The following NDRG2 variants were observed in gnomAD, a reference collection of about 807,000 sequenced individuals.
NDRG2 encodes NDRG family member 2.
NDRG2 carries 34 observed loss-of-function variants against 58.2 expected under a neutral mutation model. The ratio of observed to expected loss-of-function variants is 0.58; its 90% CI spans 0.44 to 0.78. The LOEUF (loss-of-function observed/expected upper bound fraction) is 0.78. NDRG2 is among the 30% of genes least tolerant of loss of function. NDRG2 has a pLI of 0.00. For missense variants in NDRG2, 434 were observed against 471.2 expected (o/e 0.92, Z 0.73); for synonymous variants, 187 against 175.9 (o/e 1.06, Z -0.50).
chr14:21,048,875 A>G (rs1321738020), intron 1 of NDRG2, among the ~76,000 whole-genome samples: 1 of 152,204 alleles, frequency 6.6e-6, no homozygotes, highest in Non-Finnish European at 1.5e-5. Context: ...AAGAGTAGAT[A>G]AGGGAAGGTT....
At position 21,017,662 on chromosome 14, in the gene NDRG2, G is replaced by A; in HGVS notation, c.1050C>T (p.Ser350=). ...DGNRSRSRTL[S]QSSESGTLSS... ...AAAGAGTTCCAGACTCGCTGCTCTG[G>A]GACAGGGTGCGAGAGCGGGACCGGT... Residue 350 remains serine, a synonymous_variant, in exon 16 of 16, where the codon TCC becomes TCT. Transcript: ENST00000556147. The A allele has an allele frequency of 1.9e-6, 3 of 1,612,936 alleles. No individual in the cohort carries two copies. Among genetic ancestry groups the A allele is most frequent in the East Asian group, 2.2e-5 (1 of 44,834 alleles).
At chr14:21,052,287 T>C (rs1456453316) in intron 1 of NDRG2, among the ~76,000 whole-genome samples, 1 of 152,148 alleles carries the variant, frequency 6.6e-6, no homozygotes, top group Non-Finnish European at 1.5e-5. Context: ...TACCGTCTAG[T>C]TGGGAAGACT....
rs781544238 is a variant in NDRG2, at chr14:21,023,271, C to G, written c.45G>C (p.Leu15=). ...CCGCCTCAGGCGTCTGTCCTGGCAA[C>G]AGTGGCTTCTCCTCTGTGATCTGCA... The part of the protein sequence containing the change: ...QEVQITEEKP[L]LPGQTPEAAK... Residue 15 remains leucine, a synonymous_variant, in exon 2 of 16, where the codon CTG becomes CTC. Coordinates refer to ENST00000556147, the MANE Select transcript of NDRG2 (RefSeq NM_001320329.2). 1.2e-6 allele frequency: 2 copies of G among 1,614,016 alleles called. No individual in the cohort carries two copies. Among genetic ancestry groups the G allele is most frequent in the Non-Finnish European group, 8.5e-7 (1 of 1,179,964 alleles).
At chr14:21,047,037 A>T (rs945002885) in intron 1 of NDRG2, 1 of 152,096 alleles carries the variant, frequency 6.6e-6, no homozygotes, top group African/African-American at 2.4e-5. Context: ...ATCATTGTTG[A>T]TCAAGGGACA....
chr14:21,024,034 C>T lies in NDRG2; in HGVS notation c.-11G>A, dbSNP rs1882347828. The T allele has an allele frequency of 2.0e-6, 2 of 985,548 alleles. No homozygotes were observed. Among genetic ancestry groups the T allele is most frequent in the African/African-American group, 1.7e-5 (1 of 57,232 alleles). 61.1% of individuals were successfully genotyped at this position (985,548 alleles called of 1,614,324 possible). A position where few individuals can be genotyped will look rare whatever the true frequency, so the allele number is the denominator to read the frequency against. Reference sequence around the variant, plus strand: ...CTGCGGGGTGGGGTCACTTACTGGGCTCCTATTGGCTGGATGCAGTGGGAT... The same window carrying T: ...CTGCGGGGTGGGGTCACTTACTGGGTTCCTATTGGCTGGATGCAGTGGGAT... On this transcript the variant is annotated 5_prime_UTR_variant, in exon 1 of 16. Transcript: ENST00000556147.
chr14:21,023,481 C>T (rs1051387367), intron 1 of NDRG2, 160 bp from the exon 2 acceptor site: 53 of 631,216 alleles, frequency 8.4e-5, no homozygotes, highest in Non-Finnish European at 1.3e-4. Context: ...CTGCCCCCAG[C>T]TCCGTTTCCA....
chr14:21,019,956 G>A lies in NDRG2; in HGVS notation c.576C>T (p.Ser192=). 1.2e-6 allele frequency: 2 copies of A among 1,613,920 alleles called. No homozygotes were observed. The highest frequency in any genetic ancestry group is 1.7e-6 in the Non-Finnish European group (2 of 1,180,016). ...AAHKLTGLTS[S]IPEMILGHLF... ...GATGTCCAAGGATCATCTCCGGAAT[G>A]GAAGAGGTGAGGCCTGTTAGCTATG... The change falls in exon 9 of 16, where the codon TCC becomes TCT. Residue 192 remains serine, a synonymous_variant. Coordinates refer to ENST00000556147, the MANE Select transcript of NDRG2 (RefSeq NM_001320329.2).
intron 1 of NDRG2, chr14:21,032,757 T>C (rs1169722883): frequency 4.1e-5 from 15 of 365,436 alleles, no homozygotes; most frequent in African/African-American, 8.6e-5. Flanking sequence ...GCTGCCAGGA[T>C]TCCAAGAGCA....
intron 1 of NDRG2, chr14:21,058,178 TGCCACCAGA>T (rs1280155267): frequency 1.2e-6 from 2 of 1,614,038 alleles, no homozygotes; most frequent in Non-Finnish European, 1.7e-6. Context: ...CTGTAAAAAC[TGCCACCAGA>T]GCCACGGGCC....
At chr14:21,021,003 G>A (rs1305913594) in intron 6 of NDRG2, 159 bp from the exon 7 acceptor site, 4 of 800,528 alleles carry the variant, frequency 5.0e-6, no homozygotes, top group South Asian at 4.3e-5. Flanking sequence ...AAGGGCCCAA[G>A]AAGCCAAAGG....
intron 1 of NDRG2, among the ~76,000 whole-genome samples, chr14:21,038,280 A>C (rs978035138): frequency 3.3e-5 from 5 of 152,242 alleles, no homozygotes; most frequent in African/African-American, 1.2e-4. Context: ...GGTCACTTAT[A>C]TGCAAGGCAT....
chr14:21,019,123 T>A lies in NDRG2; in HGVS notation c.754A>T (p.Thr252Ser). The A allele has an allele frequency of 6.2e-7, 1 of 1,609,852 alleles. No individual in the cohort carries two copies. Residue 252 changes from threonine (T) to serine (S), a missense_variant, in exon 11 of 16, where the codon ACC (threonine) becomes TCC (serine). Thr to Ser is a moderately conservative substitution (Grantham distance 58). Transcript: ENST00000556147. Reference protein sequence around the residue: ...DLNFERGGDITLRCPVMLVVG... With the variant: ...DLNFERGGDISLRCPVMLVVG... ...TATCTCTTAAAGTCTTACCTGAGGG[T>A]GATATCACCTCCACGCTCAAAGTTC...
chr14:21,025,170 A>G, upstream of NDRG2: 3 of 906,916 alleles, frequency 3.3e-6, no homozygotes, highest in Non-Finnish European at 3.9e-6. The surrounding 1 kb of genome is among the most constrained non-coding windows in gnomAD (Gnocchi z 5.1). Context: ...CCAGACCCCC[A>G]GTAAACACGC....
chr14:21,033,163 A>G (rs1013380853), intron 1 of NDRG2: 4 of 372,698 alleles, frequency 1.1e-5, no homozygotes, highest in African/African-American at 8.5e-5. Context: ...AGGCAGGGTG[A>G]CTACGGTTGT....
chr14:21,046,558 CATACA>C (rs1885165682), intron 1 of NDRG2, among the ~76,000 whole-genome samples: 1 of 151,426 alleles, frequency 6.6e-6, no homozygotes, highest in Non-Finnish European at 1.5e-5. Context: ...TACATACATA[CATACA>C]TACATACATA....
intron 1 of NDRG2, chr14:21,032,718 T>C: frequency 5.5e-6 from 2 of 361,942 alleles, no homozygotes; most frequent in South Asian, 2.1e-5. Context: ...CTGCTAAGGG[T>C]AGCTCAGGAA....
chr14:21,070,854 C>G lies in NDRG2; in HGVS notation c.-3G>C. On this transcript the variant is annotated 5_prime_UTR_variant, in exon 1 of 15. Transcript: ENST00000403829. The surrounding 1 kb of genome is among the most constrained non-coding windows in gnomAD (Gnocchi z 4.7). ...TGCATGGAACCACCATTTTCCATCC[C>G]TGTCCCCAACCCGGTGAGGCAGGCC... 6.5e-7 allele frequency: 1 copy of G among 1,535,694 alleles called. No individual in the cohort carries two copies. The highest frequency in any genetic ancestry group is 8.7e-7 in the Non-Finnish European group (1 of 1,146,880).
intron 1 of NDRG2, chr14:21,035,653 G>A (rs1449619914): frequency 2.4e-6 from 1 of 411,164 alleles, no homozygotes; most frequent in Non-Finnish European, 4.9e-6. Flanking sequence ...CTCAGGAGGA[G>A]GGAGTAAGGC....
chr14:21,017,629 C>G lies in NDRG2; in HGVS notation c.1083G>C (p.Gly361=). The G allele has an allele frequency of 6.2e-7, 1 of 1,613,660 alleles. No individual in the cohort carries two copies. The highest frequency in any genetic ancestry group is 8.5e-7 in the Non-Finnish European group (1 of 1,179,850). Residue 361 remains glycine, a synonymous_variant, in exon 16 of 16, where the codon GGG becomes GGC. Coordinates refer to ENST00000556147, the MANE Select transcript of NDRG2 (RefSeq NM_001320329.2). ...QSSESGTLSS[G]PPGHTMEVSC is the part of the protein sequence containing the mutation. ...AGACCTCCATGGTGTGCCCCGGGGGCCCCGAAGAAAGAGTTCCAGACTCGC... is the reference window on the plus strand; with the variant it reads ...AGACCTCCATGGTGTGCCCCGGGGGGCCCGAAGAAAGAGTTCCAGACTCGC...
Sources: gnomAD v4.1 joint callset for allele counts (sites outside exome capture counted in the v4.1 genomes callset) on GRCh38, gnomAD v4.1.1 for gene constraint, Gnocchi (gnomAD v3.1) non-coding constraint, MANE v1.5 for transcripts, NCBI Gene and HGNC (gene_info 2026-07-23, HGNC 2026-07-21) for gene names.